The following DGKG variants were observed in gnomAD, a reference collection of about 807,000 sequenced individuals.
DGKG encodes the protein diacylglycerol kinase gamma.
Under a neutral mutation model 105.3 loss-of-function variants are expected in DGKG, and 78 were observed. That is an observed-to-expected ratio of 0.74 (90% CI 0.62 to 0.89). The LOEUF (loss-of-function observed/expected upper bound fraction) is 0.89. Ranked by LOEUF, DGKG falls within the 40% of genes least tolerant of loss-of-function variation. The pLI is 0.00. For synonymous variants in DGKG, 346 were observed against 367.1 expected (o/e 0.94, Z 0.66); for missense variants, 958 against 1,020.1 (o/e 0.94, Z 0.83).
chr3:186,352,264 G>A (rs141294760), intron 1 of DGKG, among the ~76,000 whole-genome samples: 9 of 152,236 alleles, frequency 5.9e-5, no homozygotes, highest in South Asian at 2.1e-4. Flanking sequence ...GTCAATAGAC[G>A]GCTACTGGGA....
intron 20 of DGKG, among the ~76,000 whole-genome samples, chr3:186,241,932 G>T (rs1720705651): frequency 6.6e-6 from 1 of 152,168 alleles, no homozygotes; most frequent in South Asian, 2.1e-4. Flanking sequence ...TTCACAGAGT[G>T]CCCAGGCTGA....
At chr3:186,200,963 G>A (rs898178092) in intron 21 of DGKG, among the ~76,000 whole-genome samples, 11 of 152,174 alleles carry the variant, frequency 7.2e-5, no homozygotes, top group Non-Finnish European at 1.5e-4. Flanking sequence ...CAGACTGGAA[G>A]TAGAATATTG....
Position 186,267,670 on chromosome 3 carries a change from G to A in DGKG, c.1209+15C>T, listed in dbSNP as rs1459572985. On this transcript the variant is annotated intron_variant, in intron 13 of 24. Transcript: ENST00000265022. ...CCGGAGAAGCTACAGCCCTCGCCGGGGCAGGAGCACTTACCCGGGTGATGG... is the reference window on the plus strand; with the variant it reads ...CCGGAGAAGCTACAGCCCTCGCCGGAGCAGGAGCACTTACCCGGGTGATGG... 1.2e-6 allele frequency: 2 copies of A among 1,610,548 alleles called. No homozygotes were observed. Among genetic ancestry groups the A allele is most frequent in the Admixed American group, 1.7e-5 (1 of 60,022 alleles).
At chr3:186,241,687 C>G (rs1170945054) in intron 20 of DGKG, among the ~76,000 whole-genome samples, 2 of 152,068 alleles carry the variant, frequency 1.3e-5, no homozygotes, top group Non-Finnish European at 2.9e-5. Context: ...GGGGTGGGAA[C>G]AGTGTCTGAA....
rs371855364 is a variant in DGKG, at chr3:186,298,195, C to T, written c.179G>A (p.Arg60Lys). 2 of 1,612,078 alleles carry T rather than the reference C, an allele frequency of 1.2e-6. No individual in the cohort carries two copies. The highest frequency in any genetic ancestry group is 1.7e-6 in the Non-Finnish European group (2 of 1,179,204). ...GGGAAGGTCCACCTCCAGGTACGCC[C>T]TCATGAACAGCTTGAAGACATCATA... is the stretch of plus-strand genomic sequence containing the variant. The part of the protein sequence containing the change: ...ISYDVFKLFM[R>K]AYLEVDLPQP... The change falls in exon 4 of 25, where the codon AGG becomes AAG. Residue 60 changes from arginine to lysine, a missense_variant. Transcript: ENST00000265022.
intron 13 of DGKG, among the ~76,000 whole-genome samples, chr3:186,266,004 G>A (rs1020115142): frequency 2.6e-5 from 4 of 152,064 alleles, no homozygotes; most frequent in African/African-American, 9.7e-5. Context: ...ACTATCTAAT[G>A]ATATGATATT....
chr3:186,162,563 C>T (rs1716346369), intron 23 of DGKG, among the ~76,000 whole-genome samples: 1 of 152,124 alleles, frequency 6.6e-6, no homozygotes, highest in African/African-American at 2.4e-5. Flanking sequence ...GTTTTTGAGA[C>T]AGAGTCTTGC....
chr3:186,198,063 C>T (rs1387276692), intron 21 of DGKG, among the ~76,000 whole-genome samples: 2 of 152,192 alleles, frequency 1.3e-5, no homozygotes, highest in African/African-American at 4.8e-5. Context: ...CTTCACAGTT[C>T]CTGGCATGTC....
At chr3:186,270,916 A>G (rs1722284471) in intron 11 of DGKG, among the ~76,000 whole-genome samples, 1 of 152,224 alleles carries the variant, frequency 6.6e-6, no homozygotes, top group Non-Finnish European at 1.5e-5. Flanking sequence ...ACAGGTGGCC[A>G]GAGTGCAGGC....
At chr3:186,278,267 A>T (rs1245804798) in intron 9 of DGKG, among the ~76,000 whole-genome samples, 1 of 152,002 alleles carries the variant, frequency 6.6e-6, no homozygotes, top group African/African-American at 2.4e-5. Flanking sequence ...ATGAGAAAAA[A>T]AAAATGGTGT....
intron 1 of DGKG, among the ~76,000 whole-genome samples, chr3:186,353,624 C>CTA (rs1553825792): frequency 6.1e-4 from 78 of 128,574 alleles, no homozygotes; most frequent in South Asian, 5.9e-3. Flanking sequence ...TATAGACTCT[C>CTA]TATCTATATC....
In DGKG at chr3:186,280,673, C is replaced by G; in HGVS notation, c.666G>C (p.Arg222Ser). 1 of 1,612,954 alleles carries G rather than the reference C, an allele frequency of 6.2e-7. No homozygotes were observed. Among genetic ancestry groups the G allele is most frequent in the Non-Finnish European group, 8.5e-7 (1 of 1,178,924 alleles). ...CCCCATCCTTATAGAAACTCACAGGCCTCAGCTCTGTGGGATCCCACTCCA... is the reference window on the plus strand; with the variant it reads ...CCCCATCCTTATAGAAACTCACAGGGCTCAGCTCTGTGGGATCCCACTCCA... ...QYLEWDPTEL[R>S]PILKEMLQGM... is the part of the protein sequence containing the mutation. The change falls in exon 8 of 25, where the codon AGG becomes AGC. Residue 222 changes from arginine (R) to serine (S), a missense_variant. This residue lies in a region of DGKG where 643 missense variants were observed against 619.5 expected (regional missense o/e 1.04). Coordinates refer to ENST00000265022, the MANE Select transcript of DGKG (RefSeq NM_001346.3).
rs2108463405 is a variant in DGKG at position 186,148,402 on chromosome 3, T to C, written c.*1688A>G. On this transcript the variant is annotated 3_prime_UTR_variant, in exon 25 of 25. Transcript: ENST00000265022. ...CTGATGATCTGTTTAGTACCTTCGA[T>C]CTCAGACCAACTTCTTTTCCATTCA... 1 of 985,410 alleles carries C rather than the reference T, an allele frequency of 1.0e-6. No individual in the cohort carries two copies. The highest frequency in any genetic ancestry group is 1.2e-6 in the Non-Finnish European group (1 of 829,944). The allele number at this position is 985,410 out of a possible 1,614,324, so 61.0% of individuals were successfully genotyped here.
intron 22 of DGKG, among the ~76,000 whole-genome samples, chr3:186,178,134 T>C (rs1424714919): frequency 6.6e-6 from 1 of 152,214 alleles, no homozygotes; most frequent in African/African-American, 2.4e-5. Flanking sequence ...GGCTTGATCT[T>C]GGACTTCCCA....
Position 186,165,017 on chromosome 3 carries a change from G to A in DGKG, c.2097C>T (p.Asp699=). Reference sequence around the variant, plus strand: ...CCACTTCAAGGAGCTGGTCACTGAGGTCTGCAGAGCGAGACAGCAAAAGTA... The same window carrying A: ...CCACTTCAAGGAGCTGGTCACTGAGATCTGCAGAGCGAGACAGCAAAAGTA... ...DPKELKFCVQ[D]LSDQLLEVVG... is the part of the protein sequence containing the mutation. Residue 699 remains aspartate, a splice_region_variant and synonymous_variant, in exon 23 of 25, where the codon GAC becomes GAT. Coordinates refer to ENST00000265022, the MANE Select transcript of DGKG (RefSeq NM_001346.3). 1 of 1,612,992 alleles carries A rather than the reference G, an allele frequency of 6.2e-7. No homozygotes were observed. The highest frequency in any genetic ancestry group is 8.5e-7 in the Non-Finnish European group (1 of 1,179,626).
intron 22 of DGKG, among the ~76,000 whole-genome samples, chr3:186,184,836 G>A (rs1005261997): frequency 6.6e-5 from 10 of 151,958 alleles, no homozygotes; most frequent in African/African-American, 2.4e-4. Flanking sequence ...GTTAAGAATC[G>A]CAACACATGA....
chr3:186,343,343 T>TGCAGTAGC lies in DGKG; in HGVS notation c.-249+18595_-249+18602dup, dbSNP rs1726175740. Among the ~76,000 whole-genome samples, 3 of 152,276 alleles carry TGCAGTAGC rather than the reference T, an allele frequency of 2.0e-5. No individual in the cohort carries two copies. The South Asian group carries it at 6.2e-4, about 32-fold the overall frequency. ...TCTCACTCTGTCATCCAGGCTGGAG[T>TGCAGTAGC]GCAGTAGCGCAGTCTTGGCTCACTG... is the stretch of plus-strand genomic sequence containing the variant. On this transcript the variant is annotated intron_variant, in intron 1 of 24. Coordinates refer to ENST00000265022, the MANE Select transcript of DGKG (RefSeq NM_001346.3).
rs1287543332 is a variant in DGKG, at chr3:186,313,395, T to G, written c.68-6418A>C. On this transcript the variant is annotated intron_variant, in intron 2 of 24. Coordinates refer to ENST00000265022, the MANE Select transcript of DGKG (RefSeq NM_001346.3). ...ATAAAACGTTTTTTAAGACACAATT[T>G]TTTTGTCATAAATGATCTGAATCAC... 1.2e-5 allele frequency: 8 copies of G among 687,618 alleles called. No homozygotes were observed. The African/African-American group carries it at 1.6e-4, about 13-fold the overall frequency. 42.6% of individuals were successfully genotyped at this position (687,618 alleles called of 1,614,324 possible).
rs571780810 is a variant in DGKG, at chr3:186,237,445, C to A, written c.1826+5059G>T. On this transcript the variant is annotated intron_variant, in intron 20 of 24. Coordinates refer to ENST00000265022, the MANE Select transcript of DGKG (RefSeq NM_001346.3). The stretch of plus-strand genomic sequence containing the variant: ...GTGGAAACAGGGAGAATGCTCACAC[C>A]ATACAAGGTATGACTGGATGGTGTA... 1.4e-4 allele frequency among the ~76,000 whole-genome samples: 21 copies of A among 152,284 alleles called. No individual in the cohort carries two copies. In the South Asian group the frequency reaches 3.9e-3, roughly 29 times the overall value.
Sources: allele counts gnomAD v4.1 joint callset (sites outside exome capture counted in the v4.1 genomes callset), GRCh38; gene constraint gnomAD v4.1.1; regional missense constraint gnomAD v4.1.1; transcripts MANE v1.5; gene names NCBI Gene and HGNC (gene_info 2026-07-23, HGNC 2026-07-21).